Variants in PPP2R2B observed in about 807,000 individuals in gnomAD.
The protein encoded by PPP2R2B is serine/threonine-protein phosphatase 2A 55 kDa regulatory subunit B beta isoform.
PPP2R2B carries 5 observed loss-of-function variants against 46.0 expected under a neutral mutation model. That is an observed-to-expected ratio of 0.11 (90% CI 0.06 to 0.23). The LOEUF is 0.23. Ranked by LOEUF, PPP2R2B falls within the 10% of genes least tolerant of loss-of-function variation. PPP2R2B has a pLI of 1.00. For missense variants in PPP2R2B, 367 were observed against 575.0 expected, an observed-to-expected ratio of 0.64 and a Z score of 3.70; for synonymous variants, 215 against 206.7, an observed-to-expected ratio of 1.04 and a Z score of -0.34.
At chr5:146,946,895 C>T (rs950948713) in intron 1 of PPP2R2B, among the ~76,000 whole-genome samples, 2 of 151,936 alleles carry the variant, frequency 1.3e-5, no homozygotes, top group African/African-American at 4.8e-5. Flanking sequence ...TGGGGGTATC[C>T]GTTTAGACAG....
At chr5:147,052,310 C>A (rs1459143189) in intron 1 of PPP2R2B, among the ~76,000 whole-genome samples, 1 of 152,106 alleles carries the variant, frequency 6.6e-6, no homozygotes, top group Non-Finnish European at 1.5e-5. Flanking sequence ...TGGTATTTGT[C>A]ATCTTTCATT....
At chr5:146,809,935 C>G (rs995954152) in intron 2 of PPP2R2B, among the ~76,000 whole-genome samples, 2 of 152,072 alleles carry the variant, frequency 1.3e-5, no homozygotes, top group South Asian at 4.1e-4. Context: ...GTGAAGAAAT[C>G]TGTGAGATAT....
intron 1 of PPP2R2B, among the ~76,000 whole-genome samples, chr5:146,949,112 A>G (rs531412409): frequency 1.3e-5 from 2 of 152,220 alleles, no homozygotes; most frequent in African/African-American, 4.8e-5. Context: ...TACATGTGCT[A>G]GGTACTTACA....
intron 1 of PPP2R2B, among the ~76,000 whole-genome samples, chr5:147,001,264 C>A (rs1013500270): frequency 1.3e-5 from 2 of 152,190 alleles, no homozygotes; most frequent in Non-Finnish European, 2.9e-5. Context: ...TTTCGCTCTT[C>A]ACAATAAATC....
At chr5:147,048,112 G>A (rs1756625440) in intron 1 of PPP2R2B, among the ~76,000 whole-genome samples, 1 of 152,116 alleles carries the variant, frequency 6.6e-6, no homozygotes. Context: ...GCATAGCCAG[G>A]GTTAAAACCT....
intron 2 of PPP2R2B, among the ~76,000 whole-genome samples, chr5:146,795,020 CATTAT>C (rs1344697425): frequency 2.0e-5 from 3 of 152,064 alleles, no homozygotes; most frequent in Non-Finnish European, 2.9e-5. Flanking sequence ...TTCTTAATCA[CATTAT>C]ATTAAATACT....
At chr5:147,031,406 T>C (rs1240896637) in intron 1 of PPP2R2B, among the ~76,000 whole-genome samples, 2 of 152,118 alleles carry the variant, frequency 1.3e-5, no homozygotes, top group African/African-American at 4.8e-5. Flanking sequence ...TTCATAGTAG[T>C]ATGTGTTTCT....
At chr5:146,850,447 C>A (rs143299931) in intron 2 of PPP2R2B, among the ~76,000 whole-genome samples, 19 of 152,282 alleles carry the variant, frequency 1.2e-4, no homozygotes, top group Middle Eastern at 3.4e-3. Context: ...TTGCAAGACT[C>A]TGCAAGATGT....
At position 146,698,131 on chromosome 5, in the gene PPP2R2B, A is replaced by T; in HGVS notation, c.182T>A (p.Val61Asp). The T allele has an allele frequency of 3.8e-6, 6 of 1,596,028 alleles. No individual in the cohort carries two copies. The highest frequency in any genetic ancestry group is 5.1e-6 in the Non-Finnish European group (6 of 1,174,280). ...FQREQESKNQ[V>D]HRRGEYNVYS... is the part of the protein sequence containing the mutation. Reference sequence around the variant, plus strand: ...AACATTGTATTCACCCCTACGATGAACCTGATTTTTACTCTGTAGGAAAGG... The same window carrying T: ...AACATTGTATTCACCCCTACGATGATCCTGATTTTTACTCTGTAGGAAAGG... The change falls in exon 4 of 10, where the codon GTT (valine) becomes GAT (aspartate). Residue 61 changes from valine (V) to aspartate (D), a missense_variant. Physicochemically the swap from Val to Asp is radical, Grantham distance 152 (BLOSUM62 -3). Transcript: ENST00000394411.
At chr5:146,626,568 C>T (rs1323538780) in intron 7 of PPP2R2B, among the ~76,000 whole-genome samples, 2 of 152,304 alleles carry the variant, frequency 1.3e-5, no homozygotes, top group South Asian at 2.1e-4. Flanking sequence ...CTGGGCATTT[C>T]CTTGACTGGG....
chr5:147,054,919 C>T (rs1380974927), intron 1 of PPP2R2B, among the ~76,000 whole-genome samples: 1 of 152,148 alleles, frequency 6.6e-6, no homozygotes, highest in Non-Finnish European at 1.5e-5. Flanking sequence ...CAGCTTCTGA[C>T]TATAGAAATG....
intron 1 of PPP2R2B, among the ~76,000 whole-genome samples, chr5:146,922,971 T>C (rs1763657742): frequency 6.6e-6 from 1 of 152,164 alleles, no homozygotes; most frequent in Non-Finnish European, 1.5e-5. Flanking sequence ...TGTAATGGAA[T>C]TCAGCTTTAG....
chr5:146,929,397 T>C (rs1343531133), intron 1 of PPP2R2B, among the ~76,000 whole-genome samples: 1 of 152,148 alleles, frequency 6.6e-6, no homozygotes, highest in East Asian at 1.9e-4. Flanking sequence ...TCAGCAGTGG[T>C]TCTATGGTTC....
chr5:147,031,570 G>T (rs1009897495), intron 1 of PPP2R2B, among the ~76,000 whole-genome samples: 4 of 151,650 alleles, frequency 2.6e-5, no homozygotes, highest in Admixed American at 2.6e-4. Flanking sequence ...ATCTCAGCTG[G>T]TATCTCCTCA....
chr5:146,934,220 T>C (rs1292662020), intron 1 of PPP2R2B, among the ~76,000 whole-genome samples: 1 of 151,916 alleles, frequency 6.6e-6, no homozygotes, highest in Non-Finnish European at 1.5e-5. Flanking sequence ...CTGGGTCAAA[T>C]GGTATTTCTA....
At chr5:146,590,855 A>G (rs1050950944) in intron 9 of PPP2R2B, among the ~76,000 whole-genome samples, 24 of 152,186 alleles carry the variant, frequency 1.6e-4, no homozygotes, top group Non-Finnish European at 1.9e-4. Context: ...CTAGGAAACA[A>G]GTAAGGAAAT....
At chr5:146,853,379 A>G (rs180708492) in intron 2 of PPP2R2B, among the ~76,000 whole-genome samples, 1 of 152,174 alleles carries the variant, frequency 6.6e-6, no homozygotes, top group Non-Finnish European at 1.5e-5. Flanking sequence ...GCTCATCTCT[A>G]TATCAGCTTA....
intron 1 of PPP2R2B, among the ~76,000 whole-genome samples, chr5:146,966,626 C>A (rs1451839243): frequency 6.6e-6 from 1 of 152,124 alleles, no homozygotes; most frequent in Admixed American, 6.6e-5. Flanking sequence ...TTCTCTTGCC[C>A]CTAACTAGAA....
At chr5:146,657,781 T>C (rs1236068193) in intron 5 of PPP2R2B, among the ~76,000 whole-genome samples, 1 of 152,144 alleles carries the variant, frequency 6.6e-6, no homozygotes, top group Non-Finnish European at 1.5e-5. Context: ...ATGGGGTCTT[T>C]TGAAAAAATT....
Sources: gnomAD v4.1 joint callset for allele counts (sites outside exome capture counted in the v4.1 genomes callset) on GRCh38, gnomAD v4.1.1 for gene constraint, MANE v1.5 for transcripts, NCBI Gene and HGNC (gene_info 2026-07-23, HGNC 2026-07-21) for gene names.